MKLN1: variants seen among roughly 807,000 people sequenced by gnomAD.
MKLN1 encodes the protein muskelin 1.
MKLN1 carries 18 observed loss-of-function variants against 99.0 expected under a neutral mutation model. That is an observed-to-expected ratio of 0.18 (90% CI 0.13 to 0.27). The LOEUF (loss-of-function observed/expected upper bound fraction) is 0.27, where lower values mean the gene tolerates loss of function less well. Ranked by LOEUF, MKLN1 falls within the 10% of genes least tolerant of loss-of-function variation. The probability of loss-of-function intolerance (pLI) is 1.00; values close to 1 mark genes in which losing one functional copy is unlikely to be tolerated. For synonymous variants in MKLN1, 288 were observed against 293.2 expected, an observed-to-expected ratio of 0.98 and a Z score of 0.18; for missense variants, 621 against 875.9, an observed-to-expected ratio of 0.71 and a Z score of 3.67.
intron 2 of MKLN1, among the ~76,000 whole-genome samples, chr7:131,162,661 A>G (rs113238498): frequency 0.053 from 8,092 of 152,282 alleles, 381 homozygotes; most frequent in African/African-American, 0.13. Context: ...TCATTTATGT[A>G]TATGCAGATA....
chr7:131,227,767 C>T (rs915985132), intron 3 of MKLN1, among the ~76,000 whole-genome samples: 3 of 151,990 alleles, frequency 2.0e-5, no homozygotes, highest in African/African-American at 2.4e-5. Flanking sequence ...GGTTTCACCA[C>T]GTTGGCCAGG....
chr7:131,415,664 A>G (rs1264302206), intron 8 of MKLN1, among the ~76,000 whole-genome samples: 5 of 152,218 alleles, frequency 3.3e-5, no homozygotes, highest in Admixed American at 3.3e-4. Context: ...CCCTCTTTCC[A>G]AATGCCTTTC....
chr7:131,428,060 A>G (rs1361260092), intron 8 of MKLN1, among the ~76,000 whole-genome samples: 1 of 150,912 alleles, frequency 6.6e-6, no homozygotes, highest in Non-Finnish European at 1.5e-5. Flanking sequence ...AGTCCCAGCT[A>G]CTCGAGAGGC....
chr7:131,394,689 T>C (rs568779121), intron 4 of MKLN1, among the ~76,000 whole-genome samples: 5 of 152,154 alleles, frequency 3.3e-5, no homozygotes, highest in Admixed American at 3.3e-4. Flanking sequence ...CCATACATTT[T>C]CCTTATTCAG....
intron 4 of MKLN1, among the ~76,000 whole-genome samples, chr7:131,392,106 G>A (rs576835291): frequency 6.6e-6 from 1 of 152,218 alleles, no homozygotes; most frequent in East Asian, 1.9e-4. Context: ...ATGGGTTGAG[G>A]GTATTGGTTA....
At chr7:131,312,632 C>T (rs1798587231) in intron 3 of MKLN1, among the ~76,000 whole-genome samples, 1 of 152,060 alleles carries the variant, frequency 6.6e-6, no homozygotes, top group Admixed American at 6.5e-5. Flanking sequence ...TTTACTATCC[C>T]CCTTATCATT....
chr7:131,180,191 T>C (rs916231259), intron 2 of MKLN1, among the ~76,000 whole-genome samples: 1 of 152,260 alleles, frequency 6.6e-6, no homozygotes, highest in African/African-American at 2.4e-5. Flanking sequence ...CTGATACTCT[T>C]ACATGTACAT....
At chr7:131,435,287 A>G (rs570713861) in intron 9 of MKLN1, among the ~76,000 whole-genome samples, 5 of 152,178 alleles carry the variant, frequency 3.3e-5, no homozygotes, top group South Asian at 4.2e-4. Flanking sequence ...AGTTTTGTCT[A>G]TGTTCATAAG....
At chr7:131,319,793 AAC>A (rs1464012110) in intron 3 of MKLN1, among the ~76,000 whole-genome samples, 37 of 152,196 alleles carry the variant, frequency 2.4e-4, no homozygotes, top group Admixed American at 2.4e-3. Flanking sequence ...AATCATAGAG[AAC>A]AGAGAGCCAA....
intron 2 of MKLN1, among the ~76,000 whole-genome samples, chr7:131,192,702 CT>C (rs1290125795): frequency 2.0e-5 from 3 of 151,582 alleles, no homozygotes; most frequent in Non-Finnish European, 4.4e-5. Flanking sequence ...CCACCACGCC[CT>C]GCTAATTTTT....
intron 1 of MKLN1, among the ~76,000 whole-genome samples, chr7:131,361,537 GT>G (rs990019238): frequency 6.8e-6 from 1 of 146,806 alleles, no homozygotes; most frequent in African/African-American, 2.5e-5. Flanking sequence ...TTTTCACACT[GT>G]TTTTTCTTGC....
chr7:131,230,471 TTCATATG>T (rs1358902335), intron 3 of MKLN1, among the ~76,000 whole-genome samples: 1 of 152,196 alleles, frequency 6.6e-6, no homozygotes, highest in East Asian at 1.9e-4. Flanking sequence ...CTGAGTTACT[TTCATATG>T]TAGTCCCTTG....
In MKLN1 at chr7:131,135,394, A is replaced by G. The variant is rs180780234; in HGVS notation, c.-418-7426A>G. Among the ~76,000 whole-genome samples the G allele has an allele frequency of 2.4e-3, 361 of 152,342 alleles. 1 individual carries two copies. Among genetic ancestry groups the G allele is most frequent in the African/African-American group, 7.9e-3 (328 of 41,578 alleles). Reference sequence around the variant, plus strand: ...CTCCTCCTCCCAAAGTGCTGGGATTACAGGCATGAGCCACTGCGTCTGGCC... The same window carrying G: ...CTCCTCCTCCCAAAGTGCTGGGATTGCAGGCATGAGCCACTGCGTCTGGCC... On this transcript the variant is annotated intron_variant, in intron 1 of 7. Transcript: ENST00000416992.
At chr7:131,227,495 CTCTTTCTTTCTTTCTTTCTT>C (rs369374338) in intron 3 of MKLN1, among the ~76,000 whole-genome samples, 2 of 115,710 alleles carry the variant, frequency 1.7e-5, no homozygotes, top group Non-Finnish European at 3.4e-5. Flanking sequence ...CTCTTTCTTT[CTCTTTCTTTCTTTCTTTCTT>C]TCTTTCTTTC....
At chr7:131,347,938 G>A (rs1380562314) in intron 1 of MKLN1, among the ~76,000 whole-genome samples, 2 of 152,172 alleles carry the variant, frequency 1.3e-5, no homozygotes, top group Non-Finnish European at 2.9e-5. Flanking sequence ...GGCATGTGAG[G>A]TAATCATAGT....
At chr7:131,449,718 A>G (rs1253041812) in intron 12 of MKLN1, among the ~76,000 whole-genome samples, 4 of 147,816 alleles carry the variant, frequency 2.7e-5, no homozygotes, top group Non-Finnish European at 6.0e-5. Context: ...TCTTTTTCCC[A>G]TGTCCCTTTT....
At chr7:131,287,727 C>G (rs986310240) in intron 3 of MKLN1, among the ~76,000 whole-genome samples, 1 of 151,992 alleles carries the variant, frequency 6.6e-6, no homozygotes, top group Admixed American at 6.6e-5. Flanking sequence ...GTGTCCCCAC[C>G]CAAATCTCAT....
intron 2 of MKLN1, among the ~76,000 whole-genome samples, chr7:131,145,243 A>G (rs1795800743): frequency 6.6e-6 from 1 of 152,210 alleles, no homozygotes; most frequent in Non-Finnish European, 1.5e-5. Flanking sequence ...CAAACAATAT[A>G]GAGTTTAATG....
At chr7:131,312,714 GCTCT>G (rs1181849001) in intron 3 of MKLN1, among the ~76,000 whole-genome samples, 1 of 152,066 alleles carries the variant, frequency 6.6e-6, no homozygotes, top group East Asian at 1.9e-4. Flanking sequence ...TTCTTTATAT[GCTCT>G]CTATGTAAAT....
Sources: allele counts gnomAD v4.1 joint callset (sites outside exome capture counted in the v4.1 genomes callset), GRCh38; gene constraint gnomAD v4.1.1; transcripts MANE v1.5; gene names NCBI Gene and HGNC (gene_info 2026-07-23, HGNC 2026-07-21).